Variants in ATP11B observed in about 807,000 individuals in gnomAD.
ATP11B encodes phospholipid-transporting ATPase IF.
Under a neutral mutation model 157.8 loss-of-function variants are expected in ATP11B, and 81 were observed. The observed-to-expected ratio is 0.51, with a 90% CI of 0.43 to 0.62. ATP11B has a LOEUF of 0.62. Among genes scored for constraint, ATP11B ranks in the 20% least tolerant of loss-of-function variants. ATP11B has a pLI of 0.00. For synonymous variants in ATP11B, 451 were observed against 469.4 expected (o/e 0.96, Z 0.51); for missense variants, 1,165 against 1,402.2 (o/e 0.83, Z 2.70).
chr3:182,793,716 G>A lies in ATP11B; in HGVS notation c.-44G>A, dbSNP rs1715394256. 2.2e-6 allele frequency: 3 copies of A among 1,380,740 alleles called. No individual in the cohort carries two copies. Among genetic ancestry groups the A allele is most frequent in the Non-Finnish European group, 2.8e-6 (3 of 1,052,814 alleles). 85.5% of individuals were successfully genotyped at this position (1,380,740 alleles called of 1,614,324 possible). A position where few individuals can be genotyped will look rare whatever the true frequency, so the allele number is the denominator to read the frequency against. On this transcript the variant is annotated 5_prime_UTR_variant, in exon 1 of 30. Transcript: ENST00000323116. ...CTTGTCGGCCTCCACCTGCAGCCCCGCGGCCCCCGCGCCCCGCGGGACCCG... is the reference window on the plus strand; with the variant it reads ...CTTGTCGGCCTCCACCTGCAGCCCCACGGCCCCCGCGCCCCGCGGGACCCG...
intron 19 of ATP11B, among the ~76,000 whole-genome samples, chr3:182,877,572 G>T (rs1015058696): frequency 1.3e-5 from 2 of 152,138 alleles, no homozygotes; most frequent in Non-Finnish European, 2.9e-5. Context: ...AATCAGGGAG[G>T]TTAAGGCTGT....
At chr3:182,862,378 C>A (rs1720909452) in intron 12 of ATP11B, among the ~76,000 whole-genome samples, 2 of 152,106 alleles carry the variant, frequency 1.3e-5, no homozygotes, top group South Asian at 4.1e-4. Context: ...ACAGGCCCAG[C>A]AGGTAATATT....
intron 23 of ATP11B, 122 bp from the exon 24 acceptor site, chr3:182,887,464 A>G: frequency 1.4e-6 from 1 of 693,514 alleles, no homozygotes; most frequent in Non-Finnish European, 2.2e-6. Context: ...TGGAGTTACT[A>G]AAATGGATTT....
intron 1 of ATP11B, among the ~76,000 whole-genome samples, chr3:182,812,423 A>G (rs115300386): frequency 5.1e-4 from 78 of 152,362 alleles, no homozygotes; most frequent in African/African-American, 1.9e-3. Context: ...TTCACTCCTT[A>G]TCCAGACAGT....
intron 17 of ATP11B, among the ~76,000 whole-genome samples, chr3:182,871,711 T>A (rs1367682407): frequency 6.6e-6 from 1 of 152,244 alleles, no homozygotes; most frequent in East Asian, 1.9e-4. Flanking sequence ...TTAAGAACTT[T>A]CTGGCTTTCC....
chr3:182,859,072 G>A (rs1720636261), intron 11 of ATP11B, 90 bp from the exon 12 acceptor site: 1 of 821,518 alleles, frequency 1.2e-6, no homozygotes, highest in South Asian at 1.8e-5. Context: ...GGTCTATGTA[G>A]GCATGAAACT....
intron 12 of ATP11B, among the ~76,000 whole-genome samples, chr3:182,861,677 CTT>C (rs1457854174): frequency 6.6e-6 from 1 of 152,188 alleles, no homozygotes; most frequent in Non-Finnish European, 1.5e-5. Flanking sequence ...CAAATTGTCT[CTT>C]ATTGTATCAG....
At position 182,848,436 on chromosome 3, in the gene ATP11B, A is replaced by G; in HGVS notation, c.770-40A>G. The G allele has an allele frequency of 1.8e-6, 2 of 1,102,042 alleles. 1 individual carries two copies. The highest frequency in any genetic ancestry group is 4.1e-5 in the South Asian group (2 of 48,670). The allele number at this position is 1,102,042 out of a possible 1,614,324, so 68.3% of individuals were successfully genotyped here. ...ATATTTATTTCTTGTGAAACATGCT[A>G]GAGGATTATTTTAAGAGACAATTTT... On this transcript the variant is annotated intron_variant, in intron 9 of 29. Transcript: ENST00000323116.
At chr3:182,799,475 T>C (rs1715842952) in intron 1 of ATP11B, among the ~76,000 whole-genome samples, 2 of 151,772 alleles carry the variant, frequency 1.3e-5, no homozygotes, top group African/African-American at 4.8e-5. Context: ...ATGGGGTTTC[T>C]CCGTGTTACC....
chr3:182,824,597 C>T (rs1717593310), intron 2 of ATP11B, among the ~76,000 whole-genome samples: 1 of 152,110 alleles, frequency 6.6e-6, no homozygotes, highest in Non-Finnish European at 1.5e-5. Flanking sequence ...TGAGTGTCCT[C>T]CTAGAAAGCT....
intron 4 of ATP11B, among the ~76,000 whole-genome samples, chr3:182,830,865 G>A (rs553346132): frequency 1.9e-4 from 29 of 152,102 alleles, no homozygotes; most frequent in South Asian, 6.2e-4. Context: ...TATATCAGTC[G>A]ATATGCATTT....
intron 1 of ATP11B, among the ~76,000 whole-genome samples, chr3:182,794,031 C>T (rs1472172792): frequency 6.6e-6 from 1 of 152,136 alleles, no homozygotes; most frequent in Non-Finnish European, 1.5e-5. Context: ...CGCTTCTAGC[C>T]GGCGCTTCTC....
In ATP11B at chr3:182,887,639, A is replaced by G. The variant is rs1365737407; in HGVS notation, c.2769A>G (p.Leu923=). Residue 923 remains leucine (L), a synonymous_variant, in exon 24 of 30, where the codon CTA becomes CTG. Transcript: ENST00000323116. The part of the protein sequence containing the change: ...LTLYNICFTS[L]PILIYSLLEQ... ...TATACAATATTTGTTTTACTTCCCT[A>G]CCTATTCTGATATATAGTCTTTTGG... 2.5e-5 allele frequency: 41 copies of G among 1,612,618 alleles called. No homozygotes were observed. The highest frequency in any genetic ancestry group is 1.1e-4 in the East Asian group (5 of 44,752).
chr3:182,855,179 A>G (rs577103357), intron 10 of ATP11B, among the ~76,000 whole-genome samples: 3 of 152,336 alleles, frequency 2.0e-5, no homozygotes, highest in African/African-American at 7.2e-5. Flanking sequence ...AATCAAGACA[A>G]TTTGGTGTTG....
At chr3:182,848,384 A>T in intron 9 of ATP11B, 92 bp from the exon 10 acceptor site, 1 of 697,238 alleles carries the variant, frequency 1.4e-6, no homozygotes, top group Non-Finnish European at 2.2e-6. Context: ...GTCAGACAGT[A>T]CACTAAAAGC....
rs188590427 is a variant in ATP11B at position 182,795,364 on chromosome 3, T to A, written c.27+1578T>A. On this transcript the variant is annotated intron_variant, in intron 1 of 29. Coordinates refer to ENST00000323116, the MANE Select transcript of ATP11B (RefSeq NM_014616.3). ...TAAAGTGGTTCTCTTGAAGCTTTTT[T>A]AAAAATGTATTGAGACATCCTTTCT... Among the ~76,000 whole-genome samples the A allele has an allele frequency of 9.7e-4, 148 of 152,336 alleles. 2 individuals carry two copies. The highest frequency in any genetic ancestry group is 2.7e-3 in the African/African-American group (113 of 41,578).
At chr3:182,904,746 G>A (rs745308733) in intron 28 of ATP11B, among the ~76,000 whole-genome samples, 1 of 151,944 alleles carries the variant, frequency 6.6e-6, no homozygotes, top group Non-Finnish European at 1.5e-5. Context: ...AAATTAGCTG[G>A]GGTGTGGTGG....
intron 28 of ATP11B, among the ~76,000 whole-genome samples, chr3:182,900,290 C>T (rs1436858532): frequency 6.6e-6 from 1 of 152,148 alleles, no homozygotes; most frequent in Non-Finnish European, 1.5e-5. Context: ...CCTCAGTTTC[C>T]TCCTCTATAA....
intron 2 of ATP11B, among the ~76,000 whole-genome samples, chr3:182,822,359 C>T (rs1251581426): frequency 1.3e-5 from 2 of 152,024 alleles, no homozygotes; most frequent in Non-Finnish European, 2.9e-5. Flanking sequence ...TGAGTGAGAA[C>T]ATGCGGTGTT....
Sources: gnomAD v4.1 joint callset for allele counts (sites outside exome capture counted in the v4.1 genomes callset) on GRCh38, gnomAD v4.1.1 for gene constraint, MANE v1.5 for transcripts, NCBI Gene and HGNC (gene_info 2026-07-23, HGNC 2026-07-21) for gene names.